Variants in TMEM176A observed in about 807,000 individuals in gnomAD.
TMEM176A encodes the protein transmembrane protein 176A.
A neutral mutation model predicts 27.9 loss-of-function variants in TMEM176A; 20 were observed. The observed-to-expected ratio is 0.72, with a 90% CI of 0.50 to 1.04. The LOEUF is 1.04. Ranked by LOEUF, TMEM176A falls within the 50% of genes least tolerant of loss-of-function variation. The pLI, the probability that TMEM176A is intolerant of heterozygous loss-of-function variation, is 0.00. For synonymous variants in TMEM176A, 125 were observed against 118.0 expected, an observed-to-expected ratio of 1.06 and a Z score of -0.38; for missense variants, 252 against 289.1, an observed-to-expected ratio of 0.87 and a Z score of 0.93.
chr7:150,803,709 C>T lies in TMEM176A; in HGVS notation c.432C>T (p.Tyr144=), dbSNP rs763595282. 2 of 1,613,094 alleles carry T rather than the reference C, an allele frequency of 1.2e-6. No homozygotes were observed. The highest frequency in any genetic ancestry group is 1.3e-5 in the African/African-American group (1 of 74,920). ...GGAATGAAGATTTCCGATATGGCTA[C>T]TCTTATTACAACAGTGCCTGCCGCA... The part of the protein sequence containing the change: ...KLWNEDFRYG[Y]SYYNSACRIS... The change falls in exon 5 of 7, where the codon TAC becomes TAT. Residue 144 remains tyrosine (Y), a synonymous_variant. Transcript: ENST00000004103.
rs757071850 is a variant in TMEM176A at position 150,801,663 on chromosome 7, C to T, written c.113C>T (p.Ser38Phe). ...GCCAAGCTCCTGCTCACCTGCTGCT[C>T]TGCGCTGCGGCCCCGGGCCACCCAG... is the stretch of plus-strand genomic sequence containing the variant. ...ALAKLLLTCC[S>F]ALRPRATQAR... is the part of the protein sequence containing the mutation. Residue 38 changes from serine (S) to phenylalanine (F), a missense_variant, in exon 2 of 7, where the codon TCT (serine) becomes TTT (phenylalanine). Ser to Phe is a radical substitution (Grantham distance 155). Transcript: ENST00000004103. The T allele has an allele frequency of 5.6e-6, 9 of 1,611,602 alleles. No individual in the cohort carries two copies. The highest frequency in any genetic ancestry group is 1.7e-5 in the Admixed American group (1 of 59,792).
At chr7:150,801,329 T>C in intron 1 of TMEM176A, 1 of 507,230 alleles carries the variant, frequency 2.0e-6, no homozygotes, top group Admixed American at 3.9e-5. Context: ...TCCCGCAGGC[T>C]CTGTAGTCGC....
chr7:150,804,559 G>C (rs1470003106), intron 6 of TMEM176A, 87 bp downstream of exon 6: 1 of 1,228,012 alleles, frequency 8.1e-7, no homozygotes, highest in Non-Finnish European at 1.2e-6. Flanking sequence ...GTTTGGGGAG[G>C]AGAAAGGGGC....
At position 150,804,251 on chromosome 7, in the gene TMEM176A, G is replaced by A. The variant is rs906931326; in HGVS notation, c.556-111G>A. On this transcript the variant is annotated intron_variant, in intron 5 of 6. Coordinates refer to ENST00000004103, the MANE Select transcript of TMEM176A (RefSeq NM_018487.3). Reference sequence around the variant, plus strand: ...CATTGACTTCCCCTCCAGAAGCCACGAACTTGGAGATAAAGGGGTAGAGAT... The same window carrying A: ...CATTGACTTCCCCTCCAGAAGCCACAAACTTGGAGATAAAGGGGTAGAGAT... 5.8e-5 allele frequency: 48 copies of A among 833,844 alleles called. No individual in the cohort carries two copies. In the Admixed American group the frequency reaches 7.6e-4, roughly 13 times the overall value. The allele number at this position is 833,844 out of a possible 1,614,324, so 51.7% of individuals were successfully genotyped here.
intron 5 of TMEM176A, 62 bp downstream of exon 5, chr7:150,803,894 G>A: frequency 6.6e-7 from 1 of 1,523,758 alleles, no homozygotes; most frequent in East Asian, 2.3e-5. Context: ...CCAGGCCAGG[G>A]GCAAGAGTCA....
intron 3 of TMEM176A, chr7:150,803,146 T>C: frequency 8.2e-7 from 1 of 1,212,878 alleles, no homozygotes; most frequent in Non-Finnish European, 1.0e-6. Flanking sequence ...AAAGGAAGGT[T>C]TAGAAGGGAA....
At chr7:150,801,849 T>C in intron 2 of TMEM176A, 125 bp downstream of exon 2, 1 of 1,006,026 alleles carries the variant, frequency 9.9e-7, no homozygotes, top group Non-Finnish European at 1.4e-6. Context: ...TACTTAGCGA[T>C]GTGATTCTCT....
At chr7:150,804,535 A>G in intron 6 of TMEM176A, 63 bp downstream of exon 6, 1 of 1,412,228 alleles carries the variant, frequency 7.1e-7, no homozygotes, top group Non-Finnish European at 1.0e-6. Context: ...GGAGACAGGA[A>G]TGGACAGTGG....
intron 2 of TMEM176A, chr7:150,801,985 G>C: frequency 1.6e-6 from 1 of 614,486 alleles, no homozygotes; most frequent in South Asian, 2.0e-5. Context: ...CCAAACTCAG[G>C]ATGGGCCGGC....
intron 6 of TMEM176A, 146 bp from the exon 7 acceptor site, chr7:150,804,681 T>A (rs966042544): frequency 2.1e-6 from 2 of 957,140 alleles, no homozygotes; most frequent in Admixed American, 2.0e-5. Context: ...AGCCCAGGAA[T>A]CCAGGGAAGT....
intron 1 of TMEM176A, chr7:150,801,213 G>A (rs1177532013): frequency 4.5e-6 from 1 of 223,212 alleles, no homozygotes; most frequent in Admixed American, 5.6e-5. Flanking sequence ...AAGAGCCCGG[G>A]AGGAGGGGGT....
chr7:150,801,488 C>T, intron 1 of TMEM176A, 48 bp from the exon 2 acceptor site: 1 of 1,529,958 alleles, frequency 6.5e-7, no homozygotes, highest in Admixed American at 2.2e-5. Flanking sequence ...ATGAAATCTG[C>T]GAAAATCTTC....
rs1798888765 is a variant in TMEM176A, at chr7:150,804,838, G to A, written c.678G>A (p.Gln226=). ...RMFPTKGKRD[Q]KEMLEVSGI is the part of the protein sequence containing the mutation. Reference sequence around the variant, plus strand: ...TCCTCTTCCATTAGAAAAGAGACCAGAAGGAAATGTTGGAAGTGAGTGGAA... The same window carrying A: ...TCCTCTTCCATTAGAAAAGAGACCAAAAGGAAATGTTGGAAGTGAGTGGAA... Residue 226 remains glutamine (Q), a synonymous_variant, in exon 7 of 7, where the codon CAG becomes CAA. Transcript: ENST00000004103. 6.2e-7 allele frequency: 1 copy of A among 1,614,226 alleles called. No homozygotes were observed. Among genetic ancestry groups the A allele is most frequent in the African/African-American group, 1.3e-5 (1 of 75,050 alleles).
rs9088 is a variant in TMEM176A, at chr7:150,804,428, A to G, written c.622A>G (p.Thr208Ala). The change falls in exon 6 of 7, where the codon ACC (threonine) becomes GCC (alanine). Residue 208 changes from threonine (T) to alanine (A), a missense_variant. Thr to Ala is a moderately conservative substitution (Grantham distance 58). Transcript: ENST00000004103. ...VWILLLLASL[T>A]PLWLYCWRMF... ...GATTCTGCTGCTTCTGGCATCTCTG[A>G]CCCCTCTGTGGCTGTACTGCTGGAG... 0.68 allele frequency: 1,090,391 copies of G among 1,613,510 alleles called. 370,373 individuals carry two copies. The highest frequency in any genetic ancestry group is 0.81 in the East Asian group (36,544 of 44,876).
chr7:150,803,161 G>C, intron 3 of TMEM176A: 6 of 1,249,474 alleles, frequency 4.8e-6, no homozygotes, highest in Non-Finnish European at 6.0e-6. Context: ...AGGGAAGAGG[G>C]GCTCACACCT....
intron 2 of TMEM176A, 47 bp downstream of exon 2, chr7:150,801,771 C>T: frequency 6.9e-7 from 1 of 1,443,288 alleles, no homozygotes; most frequent in Non-Finnish European, 9.1e-7. Context: ...GAACTCCCCA[C>T]CTCCAGCCGC....
intron 1 of TMEM176A, 24 bp from the exon 2 acceptor site, chr7:150,801,510 CCT>C (rs1563047248): frequency 6.5e-7 from 1 of 1,544,740 alleles, no homozygotes; most frequent in Non-Finnish European, 8.7e-7. Flanking sequence ...GACAGCCGTT[CCT>C]CTCTGGTGCT....
rs1488753453 is a variant in TMEM176A at position 150,800,875 on chromosome 7, C to A, written c.-16+47C>A. On this transcript the variant is annotated intron_variant, in intron 1 of 6. Transcript: ENST00000004103. ...GGCGGCCCCCGGGCCTCCTTCCGCACGCACCCCGAGCTGCCTCCGCACAGT... is the reference window on the plus strand; with the variant it reads ...GGCGGCCCCCGGGCCTCCTTCCGCAAGCACCCCGAGCTGCCTCCGCACAGT... 16 of 981,746 alleles carry A rather than the reference C, an allele frequency of 1.6e-5. No individual in the cohort carries two copies. In the African/African-American group the frequency reaches 2.6e-4, roughly 16 times the overall value. 60.8% of individuals were successfully genotyped at this position (981,746 alleles called of 1,614,324 possible).
chr7:150,801,623 C>A lies in TMEM176A; in HGVS notation c.73C>A (p.Gln25Lys), dbSNP rs148578527. Residue 25 changes from glutamine (Q) to lysine (K), a missense_variant, in exon 2 of 7, where the codon CAG becomes AAG. Gln to Lys is a moderately conservative substitution (Grantham distance 53). Coordinates refer to ENST00000004103, the MANE Select transcript of TMEM176A (RefSeq NM_018487.3). ...QHTHIDVHIH[Q>K]ESALAKLLLT... ...CACCCACATCGATGTGCACATCCAC[C>A]AGGAGTCTGCCCTGGCCAAGCTCCT... is the stretch of plus-strand genomic sequence containing the variant. The A allele has an allele frequency of 9.3e-6, 15 of 1,613,516 alleles. No individual in the cohort carries two copies. In the African/African-American group the frequency reaches 1.1e-4, roughly 11 times the overall value.
Sources: allele counts gnomAD v4.1 joint callset, GRCh38; gene constraint gnomAD v4.1.1; transcripts MANE v1.5; gene names NCBI Gene and HGNC (gene_info 2026-07-23, HGNC 2026-07-21).